The following ST6GAL2 variants were observed in gnomAD, a reference collection of about 807,000 sequenced individuals.
ST6GAL2 encodes beta-galactoside alpha-2,6-sialyltransferase 2.
ST6GAL2 carries 24 observed loss-of-function variants against 37.5 expected under a neutral mutation model. The ratio of observed to expected loss-of-function variants is 0.64; its 90% CI spans 0.46 to 0.90. ST6GAL2 has a LOEUF of 0.90. Among genes scored for constraint, ST6GAL2 ranks in the 40% least tolerant of loss-of-function variants. ST6GAL2 has a pLI of 0.00. For missense variants in ST6GAL2, 715 were observed against 712.7 expected (o/e 1.00, Z -0.04); for synonymous variants, 306 against 295.1 (o/e 1.04, Z -0.38).
intron 1 of ST6GAL2, among the ~76,000 whole-genome samples, chr2:106,872,153 CCT>C (rs1338628476): frequency 1.3e-5 from 2 of 152,136 alleles, no homozygotes; most frequent in African/African-American, 4.8e-5. Flanking sequence ...TCAGGAGACC[CCT>C]GTGTTATATG....
intron 2 of ST6GAL2, among the ~76,000 whole-genome samples, chr2:106,840,280 C>T (rs1283004711): frequency 6.6e-6 from 1 of 152,156 alleles, no homozygotes; most frequent in Non-Finnish European, 1.5e-5. Context: ...TACACCATGC[C>T]CCCAATATTC....
At chr2:106,817,222 C>T (rs939447379) in intron 5 of ST6GAL2, among the ~76,000 whole-genome samples, 6 of 152,172 alleles carry the variant, frequency 3.9e-5, no homozygotes, top group African/African-American at 7.2e-5. Flanking sequence ...TGTGACCTGG[C>T]GAGACACAAG....
chr2:106,816,754 C>T (rs887083417), intron 5 of ST6GAL2, among the ~76,000 whole-genome samples: 5 of 152,124 alleles, frequency 3.3e-5, no homozygotes, highest in Admixed American at 1.3e-4. Context: ...AAAGCATCTT[C>T]GTAAGAACCA....
Position 106,806,343 on chromosome 2 carries a change from T to C in ST6GAL2, c.*335A>G, listed in dbSNP as rs748205231. 2.6e-4 allele frequency: 61 copies of C among 236,074 alleles called. No individual in the cohort carries two copies. Among genetic ancestry groups the C allele is most frequent in the Non-Finnish European group, 9.1e-5 (11 of 120,950 alleles). 14.6% of individuals were successfully genotyped at this position (236,074 alleles called of 1,614,324 possible). A position where few individuals can be genotyped will look rare whatever the true frequency, so the allele number is the denominator to read the frequency against. On this transcript the variant is annotated 3_prime_UTR_variant, in exon 6 of 6. Transcript: ENST00000409382. ...TCAGGAACATCACCAAAACCTGTCA[T>C]TGAAACCAACCCTGATGAGGGGTAC...
intron 2 of ST6GAL2, among the ~76,000 whole-genome samples, chr2:106,839,627 G>A (rs116214587): frequency 7.8e-4 from 119 of 152,204 alleles, no homozygotes; most frequent in Middle Eastern, 3.4e-3. Context: ...CTCTCCACCA[G>A]TCTATGCATC....
chr2:106,842,739 T>C (rs1676944572), intron 2 of ST6GAL2, among the ~76,000 whole-genome samples: 1 of 152,226 alleles, frequency 6.6e-6, no homozygotes, highest in South Asian at 2.1e-4. Context: ...GGGCGGCGCT[T>C]TCCTTCCACT....
rs139982021 is a variant in ST6GAL2 at position 106,806,928 on chromosome 2, A to G, written c.1340T>C (p.Met447Thr). ...GFIGILIMMS[M>T]CREVHVYEYI... ...TTCATACACGTGCACCTCTCTGCAC[A>G]TGGACATCATTATGAGGATTCCTGA... The change falls in exon 6 of 6, where the codon ATG (methionine) becomes ACG (threonine). Residue 447 changes from methionine (M) to threonine (T), a missense_variant. Met to Thr is a moderately conservative substitution (Grantham distance 81). Around this residue, in one of 3 missense-constraint regions of ST6GAL2, gnomAD observed 198 missense variants for 203.6 expected, o/e 0.97. Coordinates refer to ENST00000409382, the MANE Select transcript of ST6GAL2 (RefSeq NM_001142351.2). 42 of 1,612,042 alleles carry G rather than the reference A, an allele frequency of 2.6e-5. No individual in the cohort carries two copies. The highest frequency in any genetic ancestry group is 3.3e-5 in the Non-Finnish European group (39 of 1,178,422).
intron 2 of ST6GAL2, among the ~76,000 whole-genome samples, chr2:106,835,481 A>G (rs2104485981): frequency 6.6e-6 from 1 of 152,330 alleles, no homozygotes; most frequent in African/African-American, 2.4e-5. Flanking sequence ...TTCAAATTCC[A>G]GCTTTAGCAC....
At chr2:106,830,418 C>G (rs774464021) in intron 4 of ST6GAL2, among the ~76,000 whole-genome samples, 178 bp from the exon 5 acceptor site, 4 of 152,292 alleles carry the variant, frequency 2.6e-5, no homozygotes, top group Admixed American at 6.5e-5. Flanking sequence ...AGAACAAAGA[C>G]AGACCAGGGC....
chr2:106,873,058 T>A (rs1678345188), intron 1 of ST6GAL2, among the ~76,000 whole-genome samples: 2 of 152,142 alleles, frequency 1.3e-5, no homozygotes, highest in Admixed American at 1.3e-4. Context: ...CAGAAGGATG[T>A]GAGTCTGGGA....
chr2:106,867,634 C>A (rs1258179328), intron 1 of ST6GAL2, among the ~76,000 whole-genome samples: 1 of 152,146 alleles, frequency 6.6e-6, no homozygotes, highest in Non-Finnish European at 1.5e-5. Context: ...TTGATTACCT[C>A]TCTAAGCAGA....
intron 1 of ST6GAL2, among the ~76,000 whole-genome samples, chr2:106,849,980 G>A (rs1022952699): frequency 3.3e-5 from 5 of 152,120 alleles, no homozygotes; most frequent in Non-Finnish European, 7.4e-5. Context: ...AAACCAACCT[G>A]TGACCCAGTT....
chr2:106,872,665 AGTGG>A (rs1305628670), intron 1 of ST6GAL2, among the ~76,000 whole-genome samples: 1 of 119,718 alleles, frequency 8.4e-6, no homozygotes, highest in Admixed American at 9.1e-5. Context: ...GGTGGAGTGC[AGTGG>A]CATGATCTCG....
At position 106,843,502 on chromosome 2, in the gene ST6GAL2, C is replaced by G. The variant is rs754872937; in HGVS notation, c.476G>C (p.Arg159Pro). 40 of 1,613,942 alleles carry G rather than the reference C, an allele frequency of 2.5e-5. No homozygotes were observed. The highest frequency in any genetic ancestry group is 1.6e-4 in the Middle Eastern group (1 of 6,084). The part of the protein sequence containing the change: ...GFPSPGEPGP[R>P]EGAFPAAQVQ... ...CTGTGCAGCCGGAAAAGCCCCCTCC[C>G]GTGGGCCTGGCTCCCCGGGGGAAGG... The change falls in exon 2 of 6, where the codon CGG (arginine) becomes CCG (proline). Residue 159 changes from arginine (R) to proline (P), a missense_variant. Arg to Pro is a moderately radical substitution (Grantham distance 103). Coordinates refer to ENST00000409382, the MANE Select transcript of ST6GAL2 (RefSeq NM_001142351.2).
chr2:106,847,804 C>T (rs1677201865), intron 1 of ST6GAL2, among the ~76,000 whole-genome samples: 2 of 152,128 alleles, frequency 1.3e-5, no homozygotes, highest in African/African-American at 4.8e-5. Context: ...TGCAGTTCCA[C>T]CCTCTTTCCC....
At chr2:106,817,320 T>C (rs1359259904) in intron 5 of ST6GAL2, among the ~76,000 whole-genome samples, 1 of 152,156 alleles carries the variant, frequency 6.6e-6, no homozygotes, top group Non-Finnish European at 1.5e-5. Context: ...CCTTCCTTCC[T>C]TATCAGGAGA....
At chr2:106,808,656 C>T (rs1361086026) in intron 5 of ST6GAL2, among the ~76,000 whole-genome samples, 1 of 152,138 alleles carries the variant, frequency 6.6e-6, no homozygotes, top group African/African-American at 2.4e-5. Flanking sequence ...TGTCTGCACC[C>T]ATGGAGAAAC....
At chr2:106,814,683 A>T (rs1419446687) in intron 5 of ST6GAL2, among the ~76,000 whole-genome samples, 8 of 152,168 alleles carry the variant, frequency 5.3e-5, no homozygotes, top group African/African-American at 1.7e-4. Flanking sequence ...GTGTGCCTGG[A>T]TGCCCTACTG....
chr2:106,816,258 C>T (rs1675797562), intron 5 of ST6GAL2, among the ~76,000 whole-genome samples: 1 of 152,138 alleles, frequency 6.6e-6, no homozygotes, highest in Non-Finnish European at 1.5e-5. Context: ...TGGACACATA[C>T]TTATGTGAGG....
Sources: gnomAD v4.1 joint callset for allele counts (sites outside exome capture counted in the v4.1 genomes callset) on GRCh38, gnomAD v4.1.1 for gene constraint, gnomAD v4.1.1 regional missense constraint, MANE v1.5 for transcripts, NCBI Gene and HGNC (gene_info 2026-07-23, HGNC 2026-07-21) for gene names.